FMNL2: variants seen among roughly 807,000 people sequenced by gnomAD.
FMNL2 encodes the protein formin-like protein 2.
A neutral mutation model predicts 130.2 loss-of-function variants in FMNL2; 51 were observed. That is an observed-to-expected ratio of 0.39 (90% confidence interval 0.31 to 0.49). The LOEUF (loss-of-function observed/expected upper bound fraction) is 0.49. Ranked by LOEUF, FMNL2 falls within the 20% of genes least tolerant of loss-of-function variation. The probability of loss-of-function intolerance (pLI) is 0.85; values close to 1 mark genes in which losing one functional copy is unlikely to be tolerated. For missense variants in FMNL2, 977 were observed against 1,316.2 expected, an observed-to-expected ratio of 0.74 and a Z score of 3.99; for synonymous variants, 465 against 467.1, an observed-to-expected ratio of 1.00 and a Z score of 0.06.
At position 152,596,265 on chromosome 2, in the gene FMNL2, C is replaced by CT. The variant is rs532012872; in HGVS notation, c.877-11066dup. Among the ~76,000 whole-genome samples, 1,477 of 151,980 alleles carry CT rather than the reference C, an allele frequency of 9.7e-3. 10 individuals carry two copies. Among genetic ancestry groups the CT allele is most frequent in the Non-Finnish European group, 0.015 (1,052 of 67,952 alleles). On this transcript the variant is annotated intron_variant, in intron 9 of 25. Coordinates refer to ENST00000288670, the MANE Select transcript of FMNL2 (RefSeq NM_052905.4). ...GGCATGAGCCACTGAGCCCGGCTGTCTTTTTTTTCTACCTTGGAAAATGGT... is the reference window on the plus strand; with the variant it reads ...GGCATGAGCCACTGAGCCCGGCTGTCTTTTTTTTTCTACCTTGGAAAATGGT...
At chr2:152,501,033 A>G (rs1488557961) in intron 1 of FMNL2, among the ~76,000 whole-genome samples, 2 of 152,242 alleles carry the variant, frequency 1.3e-5, no homozygotes, top group Non-Finnish European at 2.9e-5. Flanking sequence ...GAGGGCTTCC[A>G]AATTTTCATG....
At chr2:152,392,816 A>G (rs1480499121) in intron 1 of FMNL2, among the ~76,000 whole-genome samples, 2 of 152,088 alleles carry the variant, frequency 1.3e-5, no homozygotes, top group East Asian at 3.9e-4. Flanking sequence ...TGACAGATGG[A>G]TCCTCCAGGC....
chr2:152,492,299 G>C (rs1426826623), intron 1 of FMNL2, among the ~76,000 whole-genome samples: 1 of 152,020 alleles, frequency 6.6e-6, no homozygotes, highest in African/African-American at 2.4e-5. Flanking sequence ...TTAAATCAAG[G>C]CTCATACACA....
At chr2:152,502,846 A>T (rs747828364) in intron 1 of FMNL2, among the ~76,000 whole-genome samples, 15 of 152,200 alleles carry the variant, frequency 9.9e-5, no homozygotes, top group Non-Finnish European at 1.6e-4. Flanking sequence ...CCTTCATGAC[A>T]TACAAGGGGT....
intron 11 of FMNL2, among the ~76,000 whole-genome samples, chr2:152,613,532 G>A (rs1292008474): frequency 6.6e-6 from 1 of 152,150 alleles, no homozygotes; most frequent in Non-Finnish European, 1.5e-5. Flanking sequence ...AAGCTGTATT[G>A]TAGAATTCCA....
intron 1 of FMNL2, among the ~76,000 whole-genome samples, chr2:152,512,507 G>T (rs1302484428): frequency 2.0e-5 from 3 of 152,120 alleles, no homozygotes; most frequent in Non-Finnish European, 4.4e-5. Flanking sequence ...GACAAGATTG[G>T]CTCTCCCACC....
At chr2:152,508,483 C>T (rs1270674966) in intron 1 of FMNL2, among the ~76,000 whole-genome samples, 3 of 152,176 alleles carry the variant, frequency 2.0e-5, no homozygotes, top group Non-Finnish European at 2.9e-5. Flanking sequence ...GGATGAAGTG[C>T]GTTGCATTAG....
At chr2:152,547,951 A>G (rs1310444589) in intron 3 of FMNL2, among the ~76,000 whole-genome samples, 2 of 152,206 alleles carry the variant, frequency 1.3e-5, no homozygotes, top group Non-Finnish European at 2.9e-5. Flanking sequence ...AATGTGTTCC[A>G]AAGGACTGAT....
intron 1 of FMNL2, among the ~76,000 whole-genome samples, chr2:152,339,847 C>T (rs1366732625): frequency 6.6e-6 from 1 of 152,044 alleles, no homozygotes; most frequent in African/African-American, 2.4e-5. Flanking sequence ...TTAATGCTCA[C>T]AGTAACTAAT....
intron 9 of FMNL2, 54 bp downstream of exon 9, chr2:152,581,103 T>C: frequency 6.7e-7 from 1 of 1,483,954 alleles, no homozygotes; most frequent in Admixed American, 1.7e-5. Context: ...CATTTGGACA[T>C]CTTTGAACGG....
At chr2:152,576,893 G>C (rs145133549) in intron 7 of FMNL2, among the ~76,000 whole-genome samples, 57 of 152,330 alleles carry the variant, frequency 3.7e-4, no homozygotes, top group African/African-American at 1.3e-3. Context: ...AAGAGTAGAA[G>C]ATGAAGTCAG....
intron 1 of FMNL2, among the ~76,000 whole-genome samples, chr2:152,367,787 A>T (rs909531899): frequency 2.6e-5 from 4 of 152,208 alleles, no homozygotes; most frequent in Admixed American, 6.5e-5. Flanking sequence ...AAGGGCTTAT[A>T]GGATTTGCTC....
At chr2:152,601,365 A>T (rs1381192738) in intron 9 of FMNL2, among the ~76,000 whole-genome samples, 1 of 145,186 alleles carries the variant, frequency 6.9e-6, no homozygotes, top group African/African-American at 2.5e-5. Flanking sequence ...CAGTGGCACG[A>T]TCTCGGCTAA....
intron 1 of FMNL2, among the ~76,000 whole-genome samples, chr2:152,429,499 T>C (rs1197885667): frequency 1.3e-5 from 2 of 152,196 alleles, no homozygotes; most frequent in African/African-American, 2.4e-5. Flanking sequence ...GGCTAAAAGC[T>C]TAGTATTTCA....
chr2:152,583,880 C>G (rs953257008), intron 9 of FMNL2, among the ~76,000 whole-genome samples: 6 of 152,178 alleles, frequency 3.9e-5, no homozygotes, highest in African/African-American at 1.2e-4. Flanking sequence ...TGTCTAAAAA[C>G]CATATAGACA....
At chr2:152,631,987 C>T (rs780117860) in intron 20 of FMNL2, 21 bp from the exon 21 acceptor site, 2 of 1,605,962 alleles carry the variant, frequency 1.2e-6, no homozygotes, top group African/African-American at 1.3e-5. Flanking sequence ...GTACCTAACC[C>T]ACGTTCCCTT....
At chr2:152,393,032 C>T (rs549748125) in intron 1 of FMNL2, among the ~76,000 whole-genome samples, 15 of 152,144 alleles carry the variant, frequency 9.9e-5, no homozygotes, top group Non-Finnish European at 1.9e-4. Flanking sequence ...CTTTCCTCTC[C>T]TTGATGCTTC....
chr2:152,421,038 C>A (rs1193537031), intron 1 of FMNL2, among the ~76,000 whole-genome samples: 1 of 152,130 alleles, frequency 6.6e-6, no homozygotes, highest in African/African-American at 2.4e-5. Context: ...TTTGGAAACA[C>A]ATAATACTGT....
chr2:152,535,714 T>C (rs1463825413), intron 2 of FMNL2, among the ~76,000 whole-genome samples: 1 of 152,242 alleles, frequency 6.6e-6, no homozygotes, highest in Admixed American at 6.5e-5. Flanking sequence ...TAATGACCAC[T>C]GGGATCCCTC....
Sources: gnomAD v4.1 joint callset for allele counts (sites outside exome capture counted in the v4.1 genomes callset) on GRCh38, gnomAD v4.1.1 for gene constraint, MANE v1.5 for transcripts, NCBI Gene and HGNC (gene_info 2026-07-23, HGNC 2026-07-21) for gene names.